Variants in GABRB3 observed in about 807,000 individuals in gnomAD.
GABRB3 encodes the protein gamma-aminobutyric acid type A receptor subunit beta3.
GABRB3 carries 14 observed loss-of-function variants against 52.1 expected under a neutral mutation model. That is an observed-to-expected ratio of 0.27 (90% CI 0.18 to 0.42). GABRB3 has a LOEUF of 0.42. Among genes scored for constraint, GABRB3 ranks in the 10% least tolerant of loss-of-function variants. The pLI, the probability that GABRB3 is intolerant of heterozygous loss-of-function variation, is 1.00. For missense variants in GABRB3, 307 were observed against 609.1 expected (o/e 0.50, Z 5.22); for synonymous variants, 260 against 232.3 (o/e 1.12, Z -1.08).
At chr15:26,631,388 T>G (rs924300825) in intron 3 of GABRB3, among the ~76,000 whole-genome samples, 11 of 152,260 alleles carry the variant, frequency 7.2e-5, no homozygotes, top group Non-Finnish European at 1.3e-4. Context: ...TTGCTCATTA[T>G]TCTGCAATTA....
At chr15:26,554,984 C>A (rs887062735) in intron 8 of GABRB3, among the ~76,000 whole-genome samples, 65 of 152,138 alleles carry the variant, frequency 4.3e-4, no homozygotes, top group African/African-American at 1.5e-3. Flanking sequence ...TCAAGATCAT[C>A]CTGGCCAACA....
At chr15:26,568,970 A>C (rs542995041) in intron 6 of GABRB3, among the ~76,000 whole-genome samples, 1 of 152,132 alleles carries the variant, frequency 6.6e-6, no homozygotes, top group Admixed American at 6.5e-5. Flanking sequence ...ACCCTCTCTA[A>C]TCAGCTCCTC....
At chr15:26,751,834 C>T (rs12898904) in intron 3 of GABRB3, among the ~76,000 whole-genome samples, 37,486 of 151,790 alleles carry the variant, frequency 0.25, 4,900 homozygotes, top group Non-Finnish European at 0.28. Context: ...AAGCCATGTT[C>T]TTGCACCACA....
At chr15:26,684,844 T>C (rs1888353274) in intron 3 of GABRB3, among the ~76,000 whole-genome samples, 1 of 152,190 alleles carries the variant, frequency 6.6e-6, no homozygotes, top group Admixed American at 6.5e-5. Flanking sequence ...GGATCGCTGC[T>C]CACAGGTCAC....
At chr15:26,681,658 A>T (rs1888243923) in intron 3 of GABRB3, among the ~76,000 whole-genome samples, 1 of 152,202 alleles carries the variant, frequency 6.6e-6, no homozygotes, top group Non-Finnish European at 1.5e-5. Flanking sequence ...ATGTATTTCC[A>T]ATGATGTAAA....
intron 3 of GABRB3, among the ~76,000 whole-genome samples, chr15:26,706,996 C>T (rs1408884176): frequency 2.0e-5 from 3 of 152,258 alleles, no homozygotes; most frequent in South Asian, 2.1e-4. Flanking sequence ...TGCTAGGTGT[C>T]GGAGTGCCAG....
chr15:26,722,729 C>G (rs370122214), intron 3 of GABRB3, among the ~76,000 whole-genome samples: 5 of 152,148 alleles, frequency 3.3e-5, no homozygotes, highest in Non-Finnish European at 7.3e-5. Context: ...GAAGCAGTCA[C>G]AGAAATCAGG....
intron 3 of GABRB3, among the ~76,000 whole-genome samples, chr15:26,656,421 T>C: frequency 6.6e-6 from 1 of 152,222 alleles, no homozygotes; most frequent in East Asian, 1.9e-4. Context: ...GCTGCAAACT[T>C]ACGATTTTTC....
intron 3 of GABRB3, among the ~76,000 whole-genome samples, chr15:26,720,910 A>G (rs530706667): frequency 6.6e-6 from 1 of 152,340 alleles, no homozygotes; most frequent in East Asian, 1.9e-4. Context: ...GTGTTAAAAA[A>G]ATGTTAATAT....
At chr15:26,707,418 A>G (rs1566813463) in intron 3 of GABRB3, among the ~76,000 whole-genome samples, 1 of 152,334 alleles carries the variant, frequency 6.6e-6, no homozygotes, top group South Asian at 2.1e-4. Flanking sequence ...TTTAGGCTGG[A>G]AAAGACGGCA....
In GABRB3 at chr15:26,583,320, A is replaced by G; in HGVS notation, c.544+12T>C. 6.2e-7 allele frequency: 1 copy of G among 1,602,856 alleles called. No individual in the cohort carries two copies. On this transcript the variant is annotated intron_variant, in intron 5 of 8. Coordinates refer to ENST00000311550, the MANE Select transcript of GABRB3 (RefSeq NM_000814.6). ...AATAGGAGGAGAAAGAAACACAGAT[A>G]CGGATACACACAGCTTTCAATTTCC...
At chr15:26,554,438 G>A (rs746652432) in intron 8 of GABRB3, among the ~76,000 whole-genome samples, 3 of 151,470 alleles carry the variant, frequency 2.0e-5, no homozygotes, top group Non-Finnish European at 2.9e-5. Flanking sequence ...AAATACCAAG[G>A]GGAGGAATGT....
chr15:26,741,059 TGTGTG>T, intron 3 of GABRB3, among the ~76,000 whole-genome samples: 1 of 74,978 alleles, frequency 1.3e-5, no homozygotes, highest in African/African-American at 3.2e-5. Context: ...TGTGTGTGTG[TGTGTG>T]TGTGTGTGTG....
intron 4 of GABRB3, among the ~76,000 whole-genome samples, chr15:26,592,586 G>A (rs1288389291): frequency 1.3e-5 from 2 of 152,166 alleles, no homozygotes; most frequent in African/African-American, 4.8e-5. Context: ...AGAAGAAGCT[G>A]CAACACTGAG....
chr15:26,636,225 A>G (rs2052992), intron 3 of GABRB3, among the ~76,000 whole-genome samples: 55,603 of 152,076 alleles, frequency 0.37, 11,570 homozygotes, highest in Middle Eastern at 0.52. Context: ...AGGACCTTGT[A>G]CTTTCATTTT....
intron 3 of GABRB3, among the ~76,000 whole-genome samples, chr15:26,762,928 T>A (rs961348393): frequency 6.6e-6 from 1 of 152,208 alleles, no homozygotes. Context: ...AAATGAAAAC[T>A]CATTCAATGG....
In GABRB3 at chr15:26,646,929, C is replaced by T. The variant is rs1053764812; in HGVS notation, c.241-25395G>A. ...TGCGATCTCGGCTCACTGCAAGGTC[C>T]GCCTCCCGGGTTCACGCCATTCTCC... On this transcript the variant is annotated intron_variant, in intron 3 of 8. Coordinates refer to ENST00000311550, the MANE Select transcript of GABRB3 (RefSeq NM_000814.6). Among the ~76,000 whole-genome samples the T allele has an allele frequency of 5.9e-5, 9 of 152,194 alleles. No homozygotes were observed. In the East Asian group the frequency reaches 1.6e-3, roughly 26 times the overall value.
At chr15:26,601,756 C>T (rs1036969866) in intron 4 of GABRB3, among the ~76,000 whole-genome samples, 2 of 151,786 alleles carry the variant, frequency 1.3e-5, no homozygotes, top group African/African-American at 4.8e-5. Context: ...AAAAAATGTA[C>T]AATGATACAT....
chr15:26,682,942 C>G (rs564619705), intron 3 of GABRB3, among the ~76,000 whole-genome samples: 5 of 152,206 alleles, frequency 3.3e-5, no homozygotes, highest in Admixed American at 1.3e-4. Context: ...CCAGGAGCTC[C>G]TGCAGCTGTG....
Sources: gnomAD v4.1 joint callset for allele counts (sites outside exome capture counted in the v4.1 genomes callset) on GRCh38, gnomAD v4.1.1 for gene constraint, MANE v1.5 for transcripts, NCBI Gene and HGNC (gene_info 2026-07-23, HGNC 2026-07-21) for gene names.